The following FGD4 variants were observed in gnomAD, a reference collection of about 807,000 sequenced individuals.
FGD4 encodes the protein FYVE, RhoGEF and PH domain-containing protein 4.
In FGD4, 42 loss-of-function variants were observed where a neutral mutation model predicts 102.0. The ratio of observed to expected loss-of-function variants is 0.41; its 90% CI spans 0.32 to 0.53. The LOEUF (loss-of-function observed/expected upper bound fraction) is 0.53. Ranked by LOEUF, FGD4 falls within the 20% of genes least tolerant of loss-of-function variation. The probability of loss-of-function intolerance (pLI) is 0.21; values close to 1 mark genes in which losing one functional copy is unlikely to be tolerated. For synonymous variants in FGD4, 380 were observed against 375.7 expected (o/e 1.01, Z -0.13); for missense variants, 902 against 1,078.2 (o/e 0.84, Z 2.29).
At chr12:32,524,556 G>A (rs1011726003) in intron 1 of FGD4, among the ~76,000 whole-genome samples, 1 of 151,412 alleles carries the variant, frequency 6.6e-6, no homozygotes, top group South Asian at 2.1e-4. Flanking sequence ...ATATGTGGCA[G>A]GCTCACGCCT....
At chr12:32,497,887 C>A (rs1021553069) in intron 1 of FGD4, among the ~76,000 whole-genome samples, 2 of 152,182 alleles carry the variant, frequency 1.3e-5, no homozygotes, top group African/African-American at 4.8e-5. Context: ...ATAAATGTTT[C>A]TTGTCTTTGC....
chr12:32,600,944 T>A (rs911639472), intron 5 of FGD4, among the ~76,000 whole-genome samples: 4 of 152,208 alleles, frequency 2.6e-5, no homozygotes, highest in Non-Finnish European at 4.4e-5. Flanking sequence ...CATAAAGTGT[T>A]TTCACATTTC....
intron 1 of FGD4, among the ~76,000 whole-genome samples, chr12:32,434,071 G>A (rs1942144742): frequency 6.6e-6 from 1 of 151,824 alleles, no homozygotes; most frequent in Non-Finnish European, 1.5e-5. Context: ...AGCCAGGATG[G>A]TCTTGATCTC....
At chr12:32,628,673 C>T (rs1950320774) in intron 14 of FGD4, among the ~76,000 whole-genome samples, 1 of 152,086 alleles carries the variant, frequency 6.6e-6, no homozygotes, top group African/African-American at 2.4e-5. Flanking sequence ...TGGTGCATGC[C>T]TGTAATTCCA....
At chr12:32,542,150 A>T (rs1048960063) in intron 1 of FGD4, among the ~76,000 whole-genome samples, 6 of 104,778 alleles carry the variant, frequency 5.7e-5, no homozygotes, top group African/African-American at 1.1e-4. Flanking sequence ...GTGAAGCAAA[A>T]TACAGGTTGA....
intron 16 of FGD4, among the ~76,000 whole-genome samples, chr12:32,639,187 G>C (rs2137081247): frequency 6.6e-6 from 1 of 152,254 alleles, no homozygotes; most frequent in African/African-American, 2.4e-5. Context: ...CTTTGTGACA[G>C]AGTTTTGCTC....
intron 1 of FGD4, among the ~76,000 whole-genome samples, chr12:32,528,632 C>G (rs11052050): frequency 0.016 from 2,511 of 152,274 alleles, 72 homozygotes; most frequent in African/African-American, 0.058. Context: ...CTCAGGCGAT[C>G]TGCCTGTCTC....
At chr12:32,404,540 G>A (rs577209416) in intron 1 of FGD4, among the ~76,000 whole-genome samples, 1 of 152,216 alleles carries the variant, frequency 6.6e-6, no homozygotes, top group African/African-American at 2.4e-5. Context: ...GCAGTACCCT[G>A]CACCTAGTAA....
intron 1 of FGD4, among the ~76,000 whole-genome samples, chr12:32,535,951 GT>G (rs1309941513): frequency 2.0e-5 from 3 of 152,134 alleles, no homozygotes; most frequent in Non-Finnish European, 4.4e-5. Context: ...GACTTTATAA[GT>G]TCCTTTTTAG....
chr12:32,399,618 C>A lies in FGD4; in HGVS notation c.-176C>A. 7.2e-7 allele frequency: 1 copy of A among 1,394,684 alleles called. No homozygotes were observed. The highest frequency in any genetic ancestry group is 9.3e-7 in the Non-Finnish European group (1 of 1,079,484). 86.4% of individuals were successfully genotyped at this position (1,394,684 alleles called of 1,614,324 possible). A position where few individuals can be genotyped will look rare whatever the true frequency, so the allele number is the denominator to read the frequency against. Reference sequence around the variant, plus strand: ...GCCGCAGCCAAACTCGCCGCGACGCCGGGAGGGAGCGTACCGGGAAGGAGA... The same window carrying A: ...GCCGCAGCCAAACTCGCCGCGACGCAGGGAGGGAGCGTACCGGGAAGGAGA... On this transcript the variant is annotated 5_prime_UTR_variant, in exon 1 of 17. Coordinates refer to ENST00000534526, the MANE Select transcript of FGD4 (RefSeq NM_001370298.3).
chr12:32,565,470 A>C (rs1945114123), intron 2 of FGD4, among the ~76,000 whole-genome samples: 1 of 152,232 alleles, frequency 6.6e-6, no homozygotes, highest in Non-Finnish European at 1.5e-5. Context: ...TTTATTTCCA[A>C]AATATAAAAT....
chr12:32,491,381 G>A (rs1944088599), intron 1 of FGD4, among the ~76,000 whole-genome samples: 1 of 152,116 alleles, frequency 6.6e-6, no homozygotes, highest in African/African-American at 2.4e-5. Context: ...CATTGTCTTA[G>A]GCTTCTGAGG....
At chr12:32,498,477 C>G (rs1937958484) in intron 1 of FGD4, among the ~76,000 whole-genome samples, 1 of 152,054 alleles carries the variant, frequency 6.6e-6, no homozygotes, top group South Asian at 2.1e-4. Flanking sequence ...ACACCCACAT[C>G]CCATTAGTAA....
intron 1 of FGD4, among the ~76,000 whole-genome samples, chr12:32,556,655 G>A (rs998353392): frequency 6.6e-6 from 1 of 151,918 alleles, no homozygotes; most frequent in South Asian, 2.1e-4. Context: ...TCAGGAGTTC[G>A]AGACCAGCCT....
chr12:32,632,291 A>T (rs1403790871), intron 14 of FGD4, among the ~76,000 whole-genome samples: 1 of 152,238 alleles, frequency 6.6e-6, no homozygotes, highest in Non-Finnish European at 1.5e-5. Context: ...TGGAGCTTAC[A>T]GCCCTATAAG....
rs1000242720 is a variant in FGD4 at position 32,486,330 on chromosome 12, G to A, written c.167-77807G>A. On this transcript the variant is annotated intron_variant, in intron 1 of 16. Transcript: ENST00000534526. Reference sequence around the variant, plus strand: ...TTTCTTTAGAGTAGTTCAGTGCTGTGGTTTTAGCACAAAGGTGTGCTTTTT... The same window carrying A: ...TTTCTTTAGAGTAGTTCAGTGCTGTAGTTTTAGCACAAAGGTGTGCTTTTT... 3.3e-5 allele frequency among the ~76,000 whole-genome samples: 5 copies of A among 152,132 alleles called. No homozygotes were observed. The East Asian group carries it at 9.6e-4, about 29-fold the overall frequency.
intron 11 of FGD4, among the ~76,000 whole-genome samples, chr12:32,622,906 T>C (rs1949932637): frequency 6.6e-6 from 1 of 152,196 alleles, no homozygotes; most frequent in South Asian, 2.1e-4. Flanking sequence ...CATGCTCTTT[T>C]AAGAATGGGA....
At chr12:32,435,717 A>G in intron 1 of FGD4, among the ~76,000 whole-genome samples, 1 of 152,154 alleles carries the variant, frequency 6.6e-6, no homozygotes, top group Non-Finnish European at 1.5e-5. Flanking sequence ...CAATTTTTAC[A>G]TGGTATTTCT....
intron 14 of FGD4, among the ~76,000 whole-genome samples, chr12:32,630,052 T>C (rs1456740348): frequency 6.6e-6 from 1 of 152,192 alleles, no homozygotes; most frequent in Non-Finnish European, 1.5e-5. Context: ...CCAGGCCCCA[T>C]GGGCTGTCTC....
Sources: allele counts gnomAD v4.1 joint callset (sites outside exome capture counted in the v4.1 genomes callset), GRCh38; gene constraint gnomAD v4.1.1; transcripts MANE v1.5; gene names NCBI Gene and HGNC (gene_info 2026-07-23, HGNC 2026-07-21).